SNCG: variants seen among roughly 807,000 people sequenced by gnomAD.
The protein encoded by SNCG is synuclein gamma.
Under a neutral mutation model 16.0 loss-of-function variants are expected in SNCG, and 13 were observed. That is an observed-to-expected ratio of 0.81 (90% confidence interval 0.53 to 1.29). The LOEUF (loss-of-function observed/expected upper bound fraction) is 1.29. SNCG is among the 50% of genes most tolerant of loss of function. The probability of loss-of-function intolerance (pLI) is 0.00; values close to 1 mark genes in which losing one functional copy is unlikely to be tolerated. For synonymous variants in SNCG, 66 were observed against 66.3 expected, an observed-to-expected ratio of 1.00 and a Z score of 0.02; for missense variants, 154 against 168.5, an observed-to-expected ratio of 0.91 and a Z score of 0.48.
chr10:86,958,081 C>A (rs1844266823), upstream of SNCG: 3 of 985,254 alleles, frequency 3.0e-6, no homozygotes, highest in Non-Finnish European at 3.6e-6. Context: ...CCCACCCCCA[C>A]CCACCTCAGA....
At position 86,958,740 on chromosome 10, in the gene SNCG, G is replaced by A. The variant is rs763672443; in HGVS notation, c.43G>A (p.Val15Met). Residue 15 changes from valine (V) to methionine (M), a missense_variant, in exon 1 of 5, where the codon GTG becomes ATG. Transcript: ENST00000372017. ...KKGFSIAKEG[V>M]VGAVEKTKQG... is the part of the protein sequence containing the mutation. ...GGGCTTCTCCATCGCCAAGGAGGGC[G>A]TGGTGGGTGCGGTGGAAAAGACCAA... 1.3e-5 allele frequency: 21 copies of A among 1,613,930 alleles called. No individual in the cohort carries two copies. Among genetic ancestry groups the A allele is most frequent in the Middle Eastern group, 1.6e-4 (1 of 6,082 alleles).
chr10:86,960,136 C>A lies in SNCG; in HGVS notation c.291+8C>A. 6.2e-7 allele frequency: 1 copy of A among 1,609,870 alleles called. No individual in the cohort carries two copies. Among genetic ancestry groups the A allele is most frequent in the Non-Finnish European group, 8.5e-7 (1 of 1,177,558 alleles). ...TCCGGGGTGGTGCGCAAGGTGAGCC[C>A]CGGCCCTCAGACCTGCCCAGTCCTC... On this transcript the variant is annotated splice_region_variant and intron_variant, in intron 3 of 4. Transcript: ENST00000372017.
upstream of SNCG, among the ~76,000 whole-genome samples, chr10:86,956,854 T>C (rs1844242947): frequency 6.6e-6 from 1 of 152,184 alleles, no homozygotes; most frequent in African/African-American, 2.4e-5. Context: ...ATGTTCTGGG[T>C]CCAGTTGCAA....
rs1178707801 is a variant in SNCG at position 86,961,526 on chromosome 10, GC to G, written c.292-1075del. On this transcript the variant is annotated intron_variant, in intron 3 of 4. Transcript: ENST00000372017. Reference sequence around the variant, plus strand: ...TCCCTCCTCACCCCCAGCAAAAGAGGCCCTGGGGTGAGGGTGCCCGGGCATT... The same window carrying G: ...TCCCTCCTCACCCCCAGCAAAAGAGGCCTGGGGTGAGGGTGCCCGGGCATT... Among the ~76,000 whole-genome samples the G allele has an allele frequency of 4.6e-5, 7 of 152,232 alleles. No homozygotes were observed. In the South Asian group the frequency reaches 1.5e-3, roughly 32 times the overall value.
chr10:86,962,457 C>T, intron 3 of SNCG, 147 bp from the exon 4 acceptor site: 1 of 578,118 alleles, frequency 1.7e-6, no homozygotes, highest in Non-Finnish European at 3.1e-6. Context: ...TGCACGCCCC[C>T]AATACCTCCA....
At position 86,959,057 on chromosome 10, in the gene SNCG, A is replaced by C. The variant is rs375378990; in HGVS notation, c.121+239A>C. On this transcript the variant is annotated intron_variant, in intron 1 of 4. Coordinates refer to ENST00000372017, the MANE Select transcript of SNCG (RefSeq NM_003087.3). The surrounding 1 kb of genome is among the most constrained non-coding windows in gnomAD (Gnocchi z 4.3). ...TCAGAGACCGCAGACAGGGCTGGCT[A>C]CCTGTCTGTGCACGCACACACACAT... is the stretch of plus-strand genomic sequence containing the variant. Among the ~76,000 whole-genome samples, 1 of 152,090 alleles carries C rather than the reference A, an allele frequency of 6.6e-6. No individual in the cohort carries two copies. Among genetic ancestry groups the C allele is most frequent in the Admixed American group, 6.5e-5 (1 of 15,286 alleles).
chr10:86,957,054 T>C (rs1431486400), upstream of SNCG, among the ~76,000 whole-genome samples: 1 of 152,200 alleles, frequency 6.6e-6, no homozygotes, highest in African/African-American at 2.4e-5. Context: ...ACAGGAGGCA[T>C]AGCCAGGCCA....
At chr10:86,956,033 C>G (rs11591493), upstream of SNCG, among the ~76,000 whole-genome samples, 7 of 151,986 alleles carry the variant, frequency 4.6e-5, no homozygotes, top group African/African-American at 1.7e-4. Context: ...CCACCGGGTC[C>G]TCTCATCCTC....
At position 86,959,829 on chromosome 10, in the gene SNCG, G is replaced by A. The variant is rs908966069; in HGVS notation, c.163+155G>A. 2.4e-6 allele frequency: 3 copies of A among 1,274,080 alleles called. No homozygotes were observed. Among genetic ancestry groups the A allele is most frequent in the Non-Finnish European group, 3.2e-6 (3 of 932,438 alleles). 78.9% of individuals were successfully genotyped at this position (1,274,080 alleles called of 1,614,324 possible). A position where few individuals can be genotyped will look rare whatever the true frequency, so the allele number is the denominator to read the frequency against. The stretch of plus-strand genomic sequence containing the variant: ...CAGACCATGAGGCTAAACTAGGGTG[G>A]GCGTCTCCTTACCCCCACCAGCATC... On this transcript the variant is annotated intron_variant, in intron 2 of 4. Coordinates refer to ENST00000372017, the MANE Select transcript of SNCG (RefSeq NM_003087.3). This position sits in a 1 kb window ranked among gnomAD's most constrained non-coding sequence, Gnocchi z 4.3.
chr10:86,962,200 C>A (rs1222618912), intron 3 of SNCG, among the ~76,000 whole-genome samples: 2 of 152,196 alleles, frequency 1.3e-5, no homozygotes, highest in Non-Finnish European at 2.9e-5. Context: ...GCCTCAGAGT[C>A]CCTATGTGAA....
At chr10:86,961,410 G>C (rs916026099) in intron 3 of SNCG, among the ~76,000 whole-genome samples, 4 of 152,024 alleles carry the variant, frequency 2.6e-5, no homozygotes, top group Admixed American at 2.6e-4. Context: ...AATTCTCCTG[G>C]TCTATGTGAG....
rs1844288584 is a variant in SNCG, at chr10:86,959,003, G to A, written c.121+185G>A. Among the ~76,000 whole-genome samples the A allele has an allele frequency of 6.6e-6, 1 of 152,146 alleles. No individual in the cohort carries two copies. The highest frequency in any genetic ancestry group is 1.5e-5 in the Non-Finnish European group (1 of 68,002). ...GCCCTGTGCACACCTATGTGTGTTTGTCTTTGGCCTCCTCGGGGCCTCTGG... is the reference window on the plus strand; with the variant it reads ...GCCCTGTGCACACCTATGTGTGTTTATCTTTGGCCTCCTCGGGGCCTCTGG... On this transcript the variant is annotated intron_variant, in intron 1 of 4. Coordinates refer to ENST00000372017, the MANE Select transcript of SNCG (RefSeq NM_003087.3). The surrounding 1 kb of genome is among the most constrained non-coding windows in gnomAD (Gnocchi z 4.3).
At chr10:86,957,600 C>T, upstream of SNCG, 2 of 1,521,480 alleles carry the variant, frequency 1.3e-6, no homozygotes, top group Non-Finnish European at 1.8e-6. Flanking sequence ...CCAGAAACTG[C>T]TAGTGACGTT....
chr10:86,958,616 C>G lies in SNCG; in HGVS notation c.-82C>G, dbSNP rs1467979122. The G allele has an allele frequency of 6.3e-7, 1 of 1,594,050 alleles. No homozygotes were observed. The highest frequency in any genetic ancestry group is 2.3e-5 in the East Asian group (1 of 43,860). ...GCATCGGGGACAGCCGCTGCGGCAG[C>G]ACTCGAGCCAGCTCAAGCCCGCAGC... is the stretch of plus-strand genomic sequence containing the variant. On this transcript the variant is annotated 5_prime_UTR_variant, in exon 1 of 5. Coordinates refer to ENST00000372017, the MANE Select transcript of SNCG (RefSeq NM_003087.3).
At chr10:86,956,165 C>CCCACCA (rs1003403732), upstream of SNCG, among the ~76,000 whole-genome samples, 7 of 137,868 alleles carry the variant, frequency 5.1e-5, no homozygotes, top group African/African-American at 1.9e-4. Flanking sequence ...CCCTTGCCGC[C>CCCACCA]CCACCACCGA....
Position 86,959,914 on chromosome 10 carries a change from C to T in SNCG, c.164-87C>T. The T allele has an allele frequency of 6.5e-7, 1 of 1,537,454 alleles. No homozygotes were observed. Among genetic ancestry groups the T allele is most frequent in the Middle Eastern group, 2.1e-4 (1 of 4,858 alleles). Reference sequence around the variant, plus strand: ...GTCCCAGCAGGGCCAGGGCTCTGAGCTCCTGGGAAGGGGCTGCGAGCCTGA... The same window carrying T: ...GTCCCAGCAGGGCCAGGGCTCTGAGTTCCTGGGAAGGGGCTGCGAGCCTGA... On this transcript the variant is annotated intron_variant, in intron 2 of 4. Transcript: ENST00000372017. The surrounding 1 kb of genome is among the most constrained non-coding windows in gnomAD (Gnocchi z 4.3).
Position 86,962,648 on chromosome 10 carries a change from CAAAGAG to C in SNCG, c.343_348del (p.Lys115_Glu116del). ...CCCCCCAACAGGAGGGTGAGGCATCCAAAGAGAAAGAGGAAGTGGCAGAGGAGGTAG... is the reference window on the plus strand; with the variant it reads ...CCCCCCAACAGGAGGGTGAGGCATCCAAAGAGGAAGTGGCAGAGGAGGTAG... On this transcript the variant is annotated inframe_deletion, in exon 4 of 5. Transcript: ENST00000372017. 6.2e-7 allele frequency: 1 copy of C among 1,612,754 alleles called. No individual in the cohort carries two copies. The highest frequency in any genetic ancestry group is 8.5e-7 in the Non-Finnish European group (1 of 1,179,436).
intron 3 of SNCG, 65 bp from the exon 4 acceptor site, chr10:86,962,539 T>G: frequency 8.2e-7 from 1 of 1,223,056 alleles, no homozygotes; most frequent in Non-Finnish European, 1.2e-6. Flanking sequence ...AAGGCCCTGG[T>G]TGCAGGGCAG....
At chr10:86,957,466 T>C (rs774130561), upstream of SNCG, 2 of 1,613,506 alleles carry the variant, frequency 1.2e-6, no homozygotes, top group Non-Finnish European at 1.7e-6. Context: ...AGGCTAGTAC[T>C]GGAAGCCTGG....
Sources: gnomAD v4.1 joint callset for allele counts (sites outside exome capture counted in the v4.1 genomes callset) on GRCh38, gnomAD v4.1.1 for gene constraint, Gnocchi (gnomAD v3.1) non-coding constraint, MANE v1.5 for transcripts, NCBI Gene and HGNC (gene_info 2026-07-23, HGNC 2026-07-21) for gene names.